ABCB9: variants seen among roughly 807,000 people sequenced by gnomAD.
ABCB9 encodes the protein ABC-type oligopeptide transporter ABCB9.
In ABCB9, 36 loss-of-function variants were observed where a neutral mutation model predicts 62.0. The observed-to-expected ratio is 0.58, with a 90% CI of 0.45 to 0.77. The LOEUF is 0.77. Among genes scored for constraint, ABCB9 ranks in the 30% least tolerant of loss-of-function variants. The pLI is 0.00. For missense variants in ABCB9, 943 were observed against 1,054.7 expected, an observed-to-expected ratio of 0.89 and a Z score of 1.47; for synonymous variants, 435 against 461.4, an observed-to-expected ratio of 0.94 and a Z score of 0.73.
At position 122,959,018 on chromosome 12, in the gene ABCB9, A is replaced by C. The variant is rs530144839; in HGVS notation, c.601+617T>G. Among the ~76,000 whole-genome samples, 1 of 145,336 alleles carries C rather than the reference A, an allele frequency of 6.9e-6. No individual in the cohort carries two copies. The highest frequency in any genetic ancestry group is 2.5e-4 in the South Asian group (1 of 4,050). On this transcript the variant is annotated intron_variant, in intron 2 of 11. Transcript: ENST00000280560. This position sits in a 1 kb window ranked among gnomAD's most constrained non-coding sequence, Gnocchi z 5.4. Reference sequence around the variant, plus strand: ...CCAAAGTGCTGGGATTACAGGCGTGAGCCACCGCGCCTGGCCTATTTTTTC... The same window carrying C: ...CCAAAGTGCTGGGATTACAGGCGTGCGCCACCGCGCCTGGCCTATTTTTTC...
At chr12:122,951,810 C>T (rs989872852) in intron 2 of ABCB9, 23 of 152,166 alleles carry the variant, frequency 1.5e-4, no homozygotes, top group African/African-American at 5.3e-4. Flanking sequence ...GGAATTTACT[C>T]CAGGTCACAC....
At chr12:122,941,120 C>T in intron 7 of ABCB9, 125 bp from the exon 8 acceptor site, 1 of 982,306 alleles carries the variant, frequency 1.0e-6, no homozygotes, top group Non-Finnish European at 1.5e-6. Context: ...CAGGAGGCCA[C>T]CTGACCACCC....
chr12:122,960,170 C>T lies in ABCB9; in HGVS notation c.66G>A (p.Thr22=), dbSNP rs138260148. ...AFMSVDICVT[T]AIYVFSHLDR... ...CCAGGTGGCTGAAGACATAGATGGC[C>T]GTGGTCACGCAGATGTCCACACTCA... Residue 22 remains threonine, a synonymous_variant, in exon 2 of 12, where the codon ACG becomes ACA. Coordinates refer to ENST00000280560, the MANE Select transcript of ABCB9 (RefSeq NM_019625.4). 7.4e-6 allele frequency: 12 copies of T among 1,613,622 alleles called. No homozygotes were observed. Among genetic ancestry groups the T allele is most frequent in the East Asian group, 2.2e-5 (1 of 44,874 alleles).
At chr12:122,923,447 C>A (rs555909571) in intron 11 of ABCB9, among the ~76,000 whole-genome samples, 1 of 152,070 alleles carries the variant, frequency 6.6e-6, no homozygotes, top group Non-Finnish European at 1.5e-5. Context: ...CCACCACGCC[C>A]GGCTAATTTT....
In ABCB9 at chr12:122,929,917, C is replaced by T. The variant is rs140815183; in HGVS notation, c.2295G>A (p.Lys765=). Residue 765 remains lysine (K), a synonymous_variant, in exon 12 of 12, where the codon AAG becomes AAA. Transcript: ENST00000280560. This position sits in a 1 kb window ranked among gnomAD's most constrained non-coding sequence, Gnocchi z 6.0. ...GAGAAGCAGGGGCCCCCCATCAGGC[C>T]TTGTGACTGCCGTTGGCTACAGGCT... ...HNEPVANGSH[K]A is the part of the protein sequence containing the mutation. The T allele has an allele frequency of 1.4e-4, 217 of 1,549,212 alleles. No individual in the cohort carries two copies. In the African/African-American group the frequency reaches 2.3e-3, roughly 16 times the overall value.
intron 1 of ABCB9, chr12:122,972,846 C>T (rs1367961019): frequency 6.6e-6 from 1 of 152,126 alleles, no homozygotes; most frequent in East Asian, 1.9e-4. Context: ...TGTAAATATA[C>T]ACATATACAG....
At chr12:122,968,091 C>T (rs138659143), upstream of ABCB9, among the ~76,000 whole-genome samples, 1 of 151,874 alleles carries the variant, frequency 6.6e-6, no homozygotes, top group East Asian at 1.9e-4. Flanking sequence ...AAATAGAAGA[C>T]ATAGAGTTAT....
At chr12:122,950,661 C>T (rs1594042789) in intron 2 of ABCB9, 96 bp from the exon 3 acceptor site, 14 of 987,478 alleles carry the variant, frequency 1.4e-5, no homozygotes, top group East Asian at 7.9e-5. Context: ...AACCCCTCTG[C>T]CCACTCCACC....
intron 2 of ABCB9, among the ~76,000 whole-genome samples, chr12:122,956,551 C>T (rs2036617051): frequency 6.6e-6 from 1 of 152,174 alleles, no homozygotes; most frequent in African/African-American, 2.4e-5. Context: ...GATGGAGTCT[C>T]ACTTTGTCAC....
chr12:122,929,087 C>A lies in ABCB9; in HGVS notation c.*824G>T. 1 of 986,068 alleles carries A rather than the reference C, an allele frequency of 1.0e-6. No individual in the cohort carries two copies. The highest frequency in any genetic ancestry group is 4.7e-5 in the South Asian group (1 of 21,290). 61.1% of individuals were successfully genotyped at this position (986,068 alleles called of 1,614,324 possible). A position where few individuals can be genotyped will look rare whatever the true frequency, so the allele number is the denominator to read the frequency against. On this transcript the variant is annotated 3_prime_UTR_variant, in exon 12 of 12. Coordinates refer to ENST00000280560, the MANE Select transcript of ABCB9 (RefSeq NM_019625.4). This position sits in a 1 kb window ranked among gnomAD's most constrained non-coding sequence, Gnocchi z 6.0. ...ATCCTGGGCTTTGCCACCATCCCAT[C>A]CACCAAAGACAGAAGAGAATGCATC...
intron 2 of ABCB9, 110 bp from the exon 3 acceptor site, chr12:122,950,675 G>A (rs2036319353): frequency 2.3e-6 from 2 of 884,746 alleles, no homozygotes; most frequent in South Asian, 1.6e-5. Context: ...CTCCACCGGT[G>A]GGCTTTCCTC....
chr12:122,923,390 C>T (rs1048634506), intron 11 of ABCB9, among the ~76,000 whole-genome samples: 1 of 152,172 alleles, frequency 6.6e-6, no homozygotes, highest in Admixed American at 6.5e-5. Flanking sequence ...CGGGTTCACG[C>T]CATTCTCCTG....
In ABCB9 at chr12:122,930,242, C is replaced by T; in HGVS notation, c.2041-71G>A. 7.1e-7 allele frequency: 1 copy of T among 1,415,402 alleles called. No homozygotes were observed. The highest frequency in any genetic ancestry group is 9.5e-7 in the Non-Finnish European group (1 of 1,052,998). The allele number at this position is 1,415,402 out of a possible 1,614,324, so 87.7% of individuals were successfully genotyped here. A position where few individuals can be genotyped will look rare whatever the true frequency, so the allele number is the denominator to read the frequency against. ...CCCGCAACCGTGCTTCATGCCACGG[C>T]CTATGGGCTGATGCTTAACCTCTCT... On this transcript the variant is annotated intron_variant, in intron 11 of 11. Transcript: ENST00000280560. The surrounding 1 kb of genome is among the most constrained non-coding windows in gnomAD (Gnocchi z 4.9).
intron 5 of ABCB9, 100 bp from the exon 6 acceptor site, chr12:122,946,322 A>G: frequency 8.2e-7 from 1 of 1,212,788 alleles, no homozygotes; most frequent in Non-Finnish European, 1.2e-6. Context: ...CTTCGCTGGC[A>G]CCAGCTATAT....
downstream of ABCB9, chr12:122,924,475 C>T (rs1323357505): frequency 1.0e-5 from 6 of 593,722 alleles, no homozygotes; most frequent in Non-Finnish European, 4.8e-6. Flanking sequence ...AGTGATCCTC[C>T]CACCTAAGCC....
In ABCB9 at chr12:122,946,219, G is replaced by A. The variant is rs775029501; in HGVS notation, c.1057C>T (p.Leu353Phe). Residue 353 changes from leucine to phenylalanine, a missense_variant, in exon 6 of 12, where the codon CTC (leucine) becomes TTC (phenylalanine). Transcript: ENST00000280560. ...AGGGCATTCTGGACCTCTTTGGAGA[G>A]CCTCTATGGACAGGAGGGGGACAAG... is the stretch of plus-strand genomic sequence containing the variant. Reference protein sequence around the residue: ...SNIYGKYYKRLSKEVQNALAR... With the variant: ...SNIYGKYYKRFSKEVQNALAR... The A allele has an allele frequency of 6.2e-7, 1 of 1,614,104 alleles. No individual in the cohort carries two copies. Among genetic ancestry groups the A allele is most frequent in the East Asian group, 2.2e-5 (1 of 44,882 alleles).
At chr12:122,973,594 AAAAAAAAAAAAAAAAC>A (rs2037318240) in intron 1 of ABCB9, among the ~76,000 whole-genome samples, 1 of 143,288 alleles carries the variant, frequency 7.0e-6, no homozygotes, top group Non-Finnish European at 1.5e-5. Context: ...AAAAAAAAAA[AAAAAAAAAAAAAAAAC>A]AAAAACTTTG....
At chr12:122,924,684 C>T (rs2034842090), downstream of ABCB9, 5 of 1,521,130 alleles carry the variant, frequency 3.3e-6, no homozygotes, top group South Asian at 1.2e-5. Flanking sequence ...CTAAGCCAGC[C>T]CTGGGGTGCC....
Position 122,944,435 on chromosome 12 carries a change from T to C in ABCB9, c.1336A>G (p.Ile446Val), listed in dbSNP as rs368844540. Residue 446 changes from isoleucine (I) to valine (V), a missense_variant, in exon 7 of 12, where the codon ATC (isoleucine) becomes GTC (valine). Ile to Val is a conservative substitution (Grantham distance 29). Transcript: ENST00000280560. This position sits in a 1 kb window ranked among gnomAD's most constrained non-coding sequence, Gnocchi z 4.9. ...ACAAACTCGTAGATGATGAAGGCGATGAGGTTGCCGCTGGTCATCTGGCCT... is the reference window on the plus strand; with the variant it reads ...ACAAACTCGTAGATGATGAAGGCGACGAGGTTGCCGCTGGTCATCTGGCCT... ...ISGQMTSGNL[I>V]AFIIYEFVLG... 4 of 1,613,602 alleles carry C rather than the reference T, an allele frequency of 2.5e-6. No individual in the cohort carries two copies. Among genetic ancestry groups the C allele is most frequent in the Non-Finnish European group, 3.4e-6 (4 of 1,179,808 alleles).
Sources: allele counts gnomAD v4.1 joint callset (sites outside exome capture counted in the v4.1 genomes callset), GRCh38; gene constraint gnomAD v4.1.1; non-coding constraint Gnocchi (gnomAD v3.1); transcripts MANE v1.5; gene names NCBI Gene and HGNC (gene_info 2026-07-23, HGNC 2026-07-21).